Variants in EFCAB5 observed in about 807,000 individuals in gnomAD.
EFCAB5 encodes EF-hand calcium-binding domain-containing protein 5.
A neutral mutation model predicts 167.9 loss-of-function variants in EFCAB5; 131 were observed. The observed-to-expected ratio is 0.78, with a 90% CI of 0.68 to 0.90. The LOEUF (loss-of-function observed/expected upper bound fraction) is 0.90. EFCAB5 is among the 40% of genes least tolerant of loss of function. The probability of loss-of-function intolerance (pLI) is 0.00; values close to 1 mark genes in which losing one functional copy is unlikely to be tolerated. For missense variants in EFCAB5, 1,663 were observed against 1,745.2 expected (o/e 0.95, Z 0.84); for synonymous variants, 574 against 602.8 (o/e 0.95, Z 0.70).
intron 4 of EFCAB5, among the ~76,000 whole-genome samples, chr17:29,990,744 C>T (rs940970185): frequency 3.9e-5 from 6 of 152,112 alleles, no homozygotes; most frequent in Non-Finnish European, 5.9e-5. Flanking sequence ...GTGGGTGTAT[C>T]CTAACAGAGA....
intron 3 of EFCAB5, among the ~76,000 whole-genome samples, chr17:29,951,533 T>A (rs2067511436): frequency 6.6e-6 from 1 of 151,700 alleles, no homozygotes; most frequent in Non-Finnish European, 1.5e-5. Context: ...TTATTTTTTT[T>A]TTTAGTAGAG....
chr17:30,065,485 AC>A (rs2070540411), intron 14 of EFCAB5: 1 of 152,234 alleles, frequency 6.6e-6, no homozygotes, highest in Admixed American at 6.5e-5. Context: ...AAATGGTGAA[AC>A]CCCATCTCTA....
chr17:29,993,739 C>T (rs1221266231), intron 5 of EFCAB5, among the ~76,000 whole-genome samples: 2 of 152,000 alleles, frequency 1.3e-5, no homozygotes, highest in Non-Finnish European at 2.9e-5. Context: ...TCATTAGATA[C>T]AATGCTAAGC....
At chr17:30,010,995 A>C (rs2068884447) in intron 7 of EFCAB5, among the ~76,000 whole-genome samples, 1 of 152,218 alleles carries the variant, frequency 6.6e-6, no homozygotes, top group Non-Finnish European at 1.5e-5. Context: ...GAAGGGATTC[A>C]GTTTAAGCTT....
intron 7 of EFCAB5, among the ~76,000 whole-genome samples, chr17:30,001,447 C>T (rs1417139921): frequency 1.3e-5 from 2 of 152,066 alleles, no homozygotes; most frequent in Non-Finnish European, 2.9e-5. Context: ...ATTAGTTTCC[C>T]TAAAAGTACG....
intron 14 of EFCAB5, among the ~76,000 whole-genome samples, chr17:30,064,338 A>G (rs907792896): frequency 1.3e-5 from 2 of 152,208 alleles, no homozygotes; most frequent in Admixed American, 1.3e-4. Context: ...AGAAGCAGAC[A>G]GAAACCCTGC....
chr17:29,941,433 C>G (rs760978159), upstream of EFCAB5, among the ~76,000 whole-genome samples: 1 of 151,998 alleles, frequency 6.6e-6, no homozygotes, highest in Non-Finnish European at 1.5e-5. Flanking sequence ...CTTTACCTCA[C>G]CTTGTTATCT....
rs529535500 is a variant in EFCAB5 at position 29,967,441 on chromosome 17, G to C, written c.191-1350G>C. Among the ~76,000 whole-genome samples, 9 of 152,290 alleles carry C rather than the reference G, an allele frequency of 5.9e-5. No homozygotes were observed. In the South Asian group the frequency reaches 1.9e-3, roughly 32 times the overall value. ...GATGATTAGCTCAAATGGGAATTAA[G>C]ATACACAAAAAGGTCAGTCTTTCTC... On this transcript the variant is annotated intron_variant, in intron 3 of 22. Transcript: ENST00000394835.
intron 3 of EFCAB5, among the ~76,000 whole-genome samples, chr17:29,961,056 TC>T (rs1438179008): frequency 6.6e-6 from 1 of 152,194 alleles, no homozygotes; most frequent in African/African-American, 2.4e-5. Flanking sequence ...CACTTTGCAT[TC>T]CCACCAGCAA....
At chr17:30,021,463 A>G (rs1211291692) in intron 7 of EFCAB5, among the ~76,000 whole-genome samples, 1 of 148,214 alleles carries the variant, frequency 6.7e-6, no homozygotes, top group Non-Finnish European at 1.5e-5. Flanking sequence ...AAATATATAT[A>G]ATACATGTAT....
intron 4 of EFCAB5, among the ~76,000 whole-genome samples, chr17:29,976,727 G>A (rs1367031561): frequency 2.0e-5 from 3 of 152,080 alleles, no homozygotes; most frequent in Non-Finnish European, 4.4e-5. Flanking sequence ...AAATGTATTT[G>A]TTTTAATGAG....
chr17:29,969,496 G>A (rs2067906206), intron 4 of EFCAB5, 129 bp downstream of exon 4: 6 of 827,070 alleles, frequency 7.3e-6, no homozygotes, highest in Non-Finnish European at 1.1e-5. Flanking sequence ...TATTTATTGA[G>A]CTACTAGTAT....
chr17:30,009,814 C>CT lies in EFCAB5; in HGVS notation c.1044+9848dup, dbSNP rs879861504. Among the ~76,000 whole-genome samples the CT allele has an allele frequency of 1.2e-3, 170 of 147,676 alleles. 2 individuals carry two copies. The highest frequency in any genetic ancestry group is 3.5e-3 in the East Asian group (18 of 5,092). On this transcript the variant is annotated intron_variant, in intron 7 of 22. Coordinates refer to ENST00000394835, the MANE Select transcript of EFCAB5 (RefSeq NM_198529.4). ...AGGAACTGCCAGATTGTTTTCTTTT[C>CT]TTTTTTTTTTGTTATACTTTAAGTT...
At chr17:29,981,281 C>T (rs563715893) in intron 4 of EFCAB5, among the ~76,000 whole-genome samples, 2 of 152,278 alleles carry the variant, frequency 1.3e-5, no homozygotes, top group South Asian at 4.1e-4. Context: ...CCAAGCTTGG[C>T]TCCTGCCTCT....
intron 1 of EFCAB5, chr17:29,930,299 C>G (rs933977101): frequency 8.8e-6 from 4 of 456,588 alleles, no homozygotes; most frequent in Non-Finnish European, 1.6e-5. Flanking sequence ...GCCGCCTGGT[C>G]GTAACCCTTG....
chr17:29,934,280 T>G (rs921979998), intron 1 of EFCAB5, among the ~76,000 whole-genome samples: 7 of 152,148 alleles, frequency 4.6e-5, no homozygotes, highest in African/African-American at 1.7e-4. Flanking sequence ...AATTCAAAAT[T>G]TAAAAGTATA....
chr17:29,934,617 T>C (rs1238062716), intron 1 of EFCAB5, among the ~76,000 whole-genome samples: 2 of 152,208 alleles, frequency 1.3e-5, no homozygotes, highest in African/African-American at 4.8e-5. Context: ...GTCCTGCTCT[T>C]TTGGTACCTG....
At chr17:29,947,167 C>T (rs1215704306) in intron 3 of EFCAB5, among the ~76,000 whole-genome samples, 2 of 141,184 alleles carry the variant, frequency 1.4e-5, no homozygotes, top group African/African-American at 2.6e-5. Flanking sequence ...AGCGAGACTC[C>T]ATCTCAAAAA....
intron 7 of EFCAB5, among the ~76,000 whole-genome samples, chr17:30,016,722 T>A (rs1349533480): frequency 6.6e-6 from 1 of 152,178 alleles, no homozygotes; most frequent in Non-Finnish European, 1.5e-5. Flanking sequence ...GTCCAACCAT[T>A]TGAAAATATT....
Sources: allele counts gnomAD v4.1 joint callset (sites outside exome capture counted in the v4.1 genomes callset), GRCh38; gene constraint gnomAD v4.1.1; transcripts MANE v1.5; gene names NCBI Gene and HGNC (gene_info 2026-07-23, HGNC 2026-07-21).